NDST4: variants seen among roughly 807,000 people sequenced by gnomAD.
NDST4 encodes the protein N-heparan sulfate sulfotransferase 4.
Under a neutral mutation model 100.8 loss-of-function variants are expected in NDST4, and 63 were observed. That is an observed-to-expected ratio of 0.62 (90% CI 0.51 to 0.77). The LOEUF (loss-of-function observed/expected upper bound fraction) is 0.77. Among genes scored for constraint, NDST4 ranks in the 30% least tolerant of loss-of-function variants. NDST4 has a pLI of 0.00. For synonymous variants in NDST4, 377 were observed against 361.8 expected (o/e 1.04, Z -0.48); for missense variants, 943 against 1,018.4 (o/e 0.93, Z 1.01).
intron 6 of NDST4, among the ~76,000 whole-genome samples, chr4:114,884,335 T>G (rs1037121325): frequency 6.6e-6 from 1 of 151,968 alleles, no homozygotes; most frequent in Non-Finnish European, 1.5e-5. Context: ...AGAAAAAACT[T>G]TATTTGGGTT....
At position 115,094,056 on chromosome 4, in the gene NDST4, C is replaced by G. The variant is rs570013740; in HGVS notation, c.-246-16774G>C. On this transcript the variant is annotated intron_variant, in intron 1 of 13. Coordinates refer to ENST00000264363, the MANE Select transcript of NDST4 (RefSeq NM_022569.3). The stretch of plus-strand genomic sequence containing the variant: ...GACATGAAGATAAAACAAGATAAAG[C>G]AAACATAACTGATGGAAATGAAAAA... Among the ~76,000 whole-genome samples, 65 of 151,702 alleles carry G rather than the reference C, an allele frequency of 4.3e-4. 1 individual carries two copies. The highest frequency in any genetic ancestry group is 3.1e-3 in the South Asian group (15 of 4,798).
chr4:115,020,793 C>T (rs1024946987), intron 2 of NDST4, among the ~76,000 whole-genome samples: 1 of 151,998 alleles, frequency 6.6e-6, no homozygotes, highest in African/African-American at 2.4e-5. Flanking sequence ...ATACAAATGG[C>T]CAACATCGTA....
intron 6 of NDST4, among the ~76,000 whole-genome samples, chr4:114,889,360 G>A (rs1724545122): frequency 3.3e-5 from 5 of 152,118 alleles, no homozygotes; most frequent in Admixed American, 3.3e-4. Context: ...ACTGGTTATT[G>A]CTTATCAAAT....
At chr4:114,956,458 A>G (rs1726143612) in intron 4 of NDST4, among the ~76,000 whole-genome samples, 1 of 152,216 alleles carries the variant, frequency 6.6e-6, no homozygotes, top group Non-Finnish European at 1.5e-5. Context: ...AAACAAGTGA[A>G]TCATTGACTA....
At chr4:115,107,876 G>T (rs545886539) in intron 1 of NDST4, among the ~76,000 whole-genome samples, 1 of 152,090 alleles carries the variant, frequency 6.6e-6, no homozygotes, top group South Asian at 2.1e-4. Flanking sequence ...AGTAATTTAA[G>T]TATTGAATTG....
At chr4:114,848,371 G>A (rs757744347) in intron 8 of NDST4, 33 bp from the exon 9 acceptor site, 2 of 1,441,646 alleles carry the variant, frequency 1.4e-6, no homozygotes, top group South Asian at 1.3e-5. Context: ...AAGGTTATAT[G>A]GCAATAAGAG....
chr4:114,991,126 A>G (rs1280943539), intron 2 of NDST4, among the ~76,000 whole-genome samples: 1 of 152,128 alleles, frequency 6.6e-6, no homozygotes, highest in South Asian at 2.1e-4. Context: ...TAAGCTAAGC[A>G]GAATGAGTAT....
In NDST4 at chr4:114,937,320, T is replaced by C; in HGVS notation, c.1405A>G (p.Met469Val). Residue 469 changes from methionine to valine, a missense_variant and splice_region_variant, in exon 5 of 14, where the codon ATG (methionine) becomes GTG (valine). Met to Val is a conservative substitution (Grantham distance 21). Coordinates refer to ENST00000264363, the MANE Select transcript of NDST4 (RefSeq NM_022569.3). ...YRKGFIHNSI[M>V]VLPRQTCGLF... is the part of the protein sequence containing the mutation. ...TATACATGGCTCTCTGTGCTCACCA[T>C]GATGCTATTGTGAATGAAGCCCTTT... is the stretch of plus-strand genomic sequence containing the variant. 6.2e-7 allele frequency: 1 copy of C among 1,614,128 alleles called. No homozygotes were observed. The highest frequency in any genetic ancestry group is 1.7e-5 in the Admixed American group (1 of 60,028).
intron 4 of NDST4, among the ~76,000 whole-genome samples, chr4:114,941,431 T>G (rs759432166): frequency 3.3e-5 from 5 of 152,160 alleles, no homozygotes; most frequent in Non-Finnish European, 5.9e-5. Context: ...TGTTCACTTT[T>G]TTTTTGTTCT....
intron 2 of NDST4, among the ~76,000 whole-genome samples, chr4:115,073,522 G>T (rs1292093743): frequency 6.6e-6 from 1 of 151,926 alleles, no homozygotes; most frequent in Admixed American, 6.6e-5. Flanking sequence ...TGACAACATG[G>T]ATGAACTAGA....
chr4:114,944,184 C>A (rs1242529597), intron 4 of NDST4, among the ~76,000 whole-genome samples: 1 of 152,164 alleles, frequency 6.6e-6, no homozygotes, highest in African/African-American at 2.4e-5. Flanking sequence ...TCAAGGGGTT[C>A]TCTTGCTTTC....
At chr4:115,054,071 G>GAAAT (rs539925126) in intron 2 of NDST4, among the ~76,000 whole-genome samples, 7 of 151,864 alleles carry the variant, frequency 4.6e-5, no homozygotes, top group Non-Finnish European at 1.0e-4. Context: ...TTCGAAGGAA[G>GAAAT]AAATAACGCA....
intron 2 of NDST4, among the ~76,000 whole-genome samples, chr4:115,060,687 T>C (rs1450904182): frequency 6.6e-6 from 1 of 151,972 alleles, no homozygotes; most frequent in Non-Finnish European, 1.5e-5. Context: ...GGAGTTTATG[T>C]AATAATGATA....
intron 2 of NDST4, among the ~76,000 whole-genome samples, chr4:115,018,563 T>C (rs1727739787): frequency 1.3e-5 from 2 of 151,964 alleles, no homozygotes; most frequent in South Asian, 4.1e-4. Context: ...CTATAACTAT[T>C]ATATTCAAAT....
intron 2 of NDST4, among the ~76,000 whole-genome samples, chr4:115,023,807 T>A (rs957444657): frequency 3.3e-5 from 5 of 152,106 alleles, no homozygotes; most frequent in Non-Finnish European, 5.9e-5. Context: ...TACAGAGAAC[T>A]TTGATGGTGC....
chr4:115,066,690 G>A (rs534530063), intron 2 of NDST4, among the ~76,000 whole-genome samples: 2 of 152,146 alleles, frequency 1.3e-5, no homozygotes, highest in African/African-American at 4.8e-5. Context: ...ATCAACTGAG[G>A]ACTTTCAAAT....
At chr4:114,995,347 A>C (rs935456535) in intron 2 of NDST4, among the ~76,000 whole-genome samples, 1 of 152,082 alleles carries the variant, frequency 6.6e-6, no homozygotes, top group Non-Finnish European at 1.5e-5. Context: ...CTAGATTCAT[A>C]ATCATGTATA....
intron 2 of NDST4, among the ~76,000 whole-genome samples, chr4:114,994,352 T>C (rs1271646881): frequency 6.6e-6 from 1 of 151,978 alleles, no homozygotes; most frequent in Non-Finnish European, 1.5e-5. Context: ...AACCTTTCTT[T>C]CTTTGCAAGT....
At chr4:114,921,929 C>T (rs750178271) in intron 6 of NDST4, among the ~76,000 whole-genome samples, 10 of 152,122 alleles carry the variant, frequency 6.6e-5, no homozygotes, top group Admixed American at 1.3e-4. Context: ...TTTCTTGACT[C>T]CTCTCCCCTG....
Sources: gnomAD v4.1 joint callset for allele counts (sites outside exome capture counted in the v4.1 genomes callset) on GRCh38, gnomAD v4.1.1 for gene constraint, MANE v1.5 for transcripts, NCBI Gene and HGNC (gene_info 2026-07-23, HGNC 2026-07-21) for gene names.